The following BTBD9 variants were observed in gnomAD, a reference collection of about 807,000 sequenced individuals.
BTBD9 encodes the protein BTB domain containing 9, also known as BTB/POZ domain-containing protein 9.
In BTBD9, 49 loss-of-function variants were observed where a neutral mutation model predicts 64.3. The ratio of observed to expected loss-of-function variants is 0.76; its 90% confidence interval spans 0.61 to 0.97. BTBD9 has a LOEUF of 0.97. BTBD9 is among the 50% of genes least tolerant of loss of function. The probability of loss-of-function intolerance (pLI) is 0.00; values close to 1 mark genes in which losing one functional copy is unlikely to be tolerated. For synonymous variants in BTBD9, 260 were observed against 274.7 expected, an observed-to-expected ratio of 0.95 and a Z score of 0.53; for missense variants, 598 against 762.1, an observed-to-expected ratio of 0.78 and a Z score of 2.53.
chr6:38,443,064 T>C (rs143537549), intron 6 of BTBD9, among the ~76,000 whole-genome samples: 18 of 152,336 alleles, frequency 1.2e-4, no homozygotes, highest in African/African-American at 4.1e-4. Context: ...TCTGCTATGT[T>C]TGTGAAGCAA....
chr6:38,547,002 C>T (rs1327249624), intron 6 of BTBD9, among the ~76,000 whole-genome samples: 1 of 152,102 alleles, frequency 6.6e-6, no homozygotes, highest in African/African-American at 2.4e-5. Context: ...TTGATGTTAC[C>T]ATTGTAATTG....
At chr6:38,226,320 C>T (rs2127512863) in intron 9 of BTBD9, among the ~76,000 whole-genome samples, 1 of 152,198 alleles carries the variant, frequency 6.6e-6, no homozygotes, top group East Asian at 1.9e-4. Context: ...CCACCCTTCT[C>T]AAGACAGAAC....
intron 6 of BTBD9, among the ~76,000 whole-genome samples, chr6:38,440,963 AG>A (rs1177629239): frequency 6.6e-6 from 1 of 152,186 alleles, no homozygotes; most frequent in East Asian, 1.9e-4. Context: ...CTTTTCCTGT[AG>A]GAAAACATAA....
At chr6:38,620,934 T>C (rs112496257) in intron 1 of BTBD9, among the ~76,000 whole-genome samples, 3,535 of 152,218 alleles carry the variant, frequency 0.023, 125 homozygotes, top group African/African-American at 0.078. Context: ...CAGGCCCTAG[T>C]ACAAGCTCTA....
intron 6 of BTBD9, among the ~76,000 whole-genome samples, chr6:38,467,876 T>G (rs544475719): frequency 6.6e-6 from 1 of 152,340 alleles, no homozygotes; most frequent in East Asian, 1.9e-4. Flanking sequence ...AATCTGAACT[T>G]TCTTTCATCT....
chr6:38,359,715 G>A (rs1764876452), intron 6 of BTBD9, among the ~76,000 whole-genome samples: 1 of 152,110 alleles, frequency 6.6e-6, no homozygotes, highest in African/African-American at 2.4e-5. Flanking sequence ...AAGGAAAGGT[G>A]GGGGAAAGTT....
chr6:38,269,562 G>A (rs1765128712), intron 8 of BTBD9, among the ~76,000 whole-genome samples: 1 of 151,956 alleles, frequency 6.6e-6, no homozygotes, highest in African/African-American at 2.4e-5. Flanking sequence ...CCAAACTGGT[G>A]TGGGTCATAG....
In BTBD9 at chr6:38,303,870, TATATAC is replaced by T. The variant is rs202092370; in HGVS notation, c.1265-15415_1265-15410del. ...ATATATATATATATATATATATATA[TATATAC>T]ACACACACACATGTGTATATATATA... On this transcript the variant is annotated intron_variant, in intron 7 of 10. Coordinates refer to ENST00000481247, the MANE Select transcript of BTBD9 (RefSeq NM_001099272.2). Among the ~76,000 whole-genome samples, 352 of 112,982 alleles carry T rather than the reference TATATAC, an allele frequency of 3.1e-3. 4 individuals are homozygous for T. The East Asian group carries it at 0.059, about 19-fold the overall frequency. The allele number at this position is 112,982 out of a possible 152,430, so 74.1% of individuals were successfully genotyped here.
chr6:38,556,322 G>A (rs1775008480), intron 6 of BTBD9, among the ~76,000 whole-genome samples: 1 of 151,994 alleles, frequency 6.6e-6, no homozygotes, highest in African/African-American at 2.4e-5. Context: ...ATTTCAATCT[G>A]GCACCATTCA....
intron 6 of BTBD9, among the ~76,000 whole-genome samples, chr6:38,462,794 CTTTT>C (rs1480344390): frequency 6.6e-6 from 1 of 152,010 alleles, no homozygotes; most frequent in Non-Finnish European, 1.5e-5. Context: ...TTTCTCTAAG[CTTTT>C]TTTGTTTTGT....
intron 6 of BTBD9, among the ~76,000 whole-genome samples, chr6:38,459,762 C>A (rs1379828344): frequency 2.6e-5 from 4 of 152,132 alleles, no homozygotes; most frequent in African/African-American, 9.7e-5. Context: ...TCATAATTTG[C>A]TCAAAAAACC....
chr6:38,349,634 A>AT (rs1372325950), intron 6 of BTBD9, among the ~76,000 whole-genome samples: 1 of 152,160 alleles, frequency 6.6e-6, no homozygotes, highest in Admixed American at 6.5e-5. Context: ...AACATACAGT[A>AT]TATATAAGGT....
At chr6:38,188,783 C>T (rs1242235255) in intron 10 of BTBD9, among the ~76,000 whole-genome samples, 3 of 152,158 alleles carry the variant, frequency 2.0e-5, no homozygotes, top group Non-Finnish European at 2.9e-5. Flanking sequence ...GTGAAACCCC[C>T]GTGATGGGAT....
chr6:38,186,439 A>C (rs1761822456), intron 10 of BTBD9, among the ~76,000 whole-genome samples: 1 of 152,218 alleles, frequency 6.6e-6, no homozygotes, highest in Admixed American at 6.5e-5. Flanking sequence ...TTTCTGGTTT[A>C]AGAAAATCCT....
intron 9 of BTBD9, among the ~76,000 whole-genome samples, chr6:38,198,529 C>G (rs182560610): frequency 1.3e-5 from 2 of 152,338 alleles, no homozygotes; most frequent in Non-Finnish European, 2.9e-5. Flanking sequence ...TTTGCCTTCT[C>G]TGAGGATTCA....
chr6:38,606,593 C>T (rs1045694052), intron 1 of BTBD9, among the ~76,000 whole-genome samples: 4 of 152,156 alleles, frequency 2.6e-5, no homozygotes, highest in African/African-American at 7.2e-5. Flanking sequence ...AATATATATT[C>T]GTTGGATGTA....
intron 6 of BTBD9, among the ~76,000 whole-genome samples, chr6:38,522,033 C>G (rs115047310): frequency 1.4e-3 from 208 of 152,266 alleles, no homozygotes; most frequent in African/African-American, 4.7e-3. Flanking sequence ...TCTTTTCAGT[C>G]ATGCCCTGTC....
At chr6:38,615,340 G>A (rs1046385960) in intron 1 of BTBD9, among the ~76,000 whole-genome samples, 1 of 152,028 alleles carries the variant, frequency 6.6e-6, no homozygotes, top group African/African-American at 2.4e-5. Context: ...ATATAAATCA[G>A]ATCAGTCACT....
At chr6:38,311,197 T>C (rs1207135826) in intron 7 of BTBD9, among the ~76,000 whole-genome samples, 1 of 146,420 alleles carries the variant, frequency 6.8e-6, no homozygotes, top group Admixed American at 6.7e-5. Flanking sequence ...TTATTCATCC[T>C]ATTTTTTTTT....
Sources: gnomAD v4.1 joint callset for allele counts (sites outside exome capture counted in the v4.1 genomes callset) on GRCh38, gnomAD v4.1.1 for gene constraint, MANE v1.5 for transcripts, NCBI Gene and HGNC (gene_info 2026-07-23, HGNC 2026-07-21) for gene names.